The following S100A1 variants were observed in gnomAD, a reference collection of about 807,000 sequenced individuals.
S100A1 encodes the protein protein S100-A1.
A neutral mutation model predicts 7.6 loss-of-function variants in S100A1; 3 were observed. That is an observed-to-expected ratio of 0.40 (90% confidence interval 0.18 to 1.02). The LOEUF is 1.02. Among genes scored for constraint, S100A1 ranks in the 50% least tolerant of loss-of-function variants. S100A1 has a pLI of 0.35. For missense variants in S100A1, 126 were observed against 115.0 expected (o/e 1.10, Z -0.44); for synonymous variants, 49 against 49.0 (o/e 1.00, Z 0.00).
At chr1:153,628,659 G>A in intron 1 of S100A1, 163 bp downstream of exon 1, 1 of 1,224,282 alleles carries the variant, frequency 8.2e-7, no homozygotes. Flanking sequence ...GGGAGACAGG[G>A]TTTGGAAGGT....
intron 2 of S100A1, 59 bp from the exon 3 acceptor site, chr1:153,631,639 T>G: frequency 1.2e-6 from 2 of 1,613,518 alleles, no homozygotes; most frequent in Non-Finnish European, 1.7e-6. Flanking sequence ...CCCCCTTGCC[T>G]CTGACTCAGT....
At chr1:153,630,721 A>C in intron 2 of S100A1, 59 bp downstream of exon 2, 1 of 1,575,576 alleles carries the variant, frequency 6.3e-7, no homozygotes, top group Non-Finnish European at 8.7e-7. Flanking sequence ...AATGGGGTGG[A>C]CACCCCCTTG....
intron 1 of S100A1, 58 bp from the exon 2 acceptor site, chr1:153,630,451 T>A: frequency 6.3e-7 from 1 of 1,589,088 alleles, no homozygotes; most frequent in Non-Finnish European, 8.6e-7. Flanking sequence ...TCCCCTCACC[T>A]AGACCCCAGG....
chr1:153,631,720 T>G lies in S100A1; in HGVS notation c.164T>G (p.Val55Gly). 5 of 1,614,186 alleles carry G rather than the reference T, an allele frequency of 3.1e-6. No individual in the cohort carries two copies. Among genetic ancestry groups the G allele is most frequent in the Non-Finnish European group, 4.2e-6 (5 of 1,180,030 alleles). ...CAGGCCCAGAAGGATGTGGATGCTG[T>G]GGACAAGGTGATGAAGGAGCTAGAC... ...FLDAQKDVDA[V>G]DKVMKELDEN... Residue 55 changes from valine (V) to glycine (G), a missense_variant, in exon 3 of 3, where the codon GTG becomes GGG. Coordinates refer to ENST00000292169, the MANE Select transcript of S100A1 (RefSeq NM_006271.2).
chr1:153,631,883 C>T lies in S100A1; in HGVS notation c.*42C>T, dbSNP rs753654639. On this transcript the variant is annotated 3_prime_UTR_variant, in exon 3 of 3. Coordinates refer to ENST00000292169, the MANE Select transcript of S100A1 (RefSeq NM_006271.2). Reference sequence around the variant, plus strand: ...GGCAGCGCCCTTCCTCTCCACCCTCCCAGACCTGCCTCTTCCCCCTGCTTC... The same window carrying T: ...GGCAGCGCCCTTCCTCTCCACCCTCTCAGACCTGCCTCTTCCCCCTGCTTC... The T allele has an allele frequency of 1.6e-5, 26 of 1,599,804 alleles. No homozygotes were observed. Among genetic ancestry groups the T allele is most frequent in the Non-Finnish European group, 2.2e-5 (26 of 1,173,346 alleles).
chr1:153,631,616 T>C, intron 2 of S100A1, 82 bp from the exon 3 acceptor site: 2 of 1,613,758 alleles, frequency 1.2e-6, no homozygotes, highest in Non-Finnish European at 1.7e-6. Flanking sequence ...CTTTGCCTCC[T>C]GCTCCTCAAC....
chr1:153,631,793 G>A lies in S100A1; in HGVS notation c.237G>A (p.Val79=). The A allele has an allele frequency of 6.2e-7, 1 of 1,614,170 alleles. No homozygotes were observed. The highest frequency in any genetic ancestry group is 1.6e-4 in the Middle Eastern group (1 of 6,062). Residue 79 remains valine (V), a synonymous_variant, in exon 3 of 3, where the codon GTG becomes GTA. Coordinates refer to ENST00000292169, the MANE Select transcript of S100A1 (RefSeq NM_006271.2). The part of the protein sequence containing the change: ...EVDFQEYVVL[V]AALTVACNNF... The stretch of plus-strand genomic sequence containing the variant: ...ACTTCCAGGAGTATGTGGTGCTTGT[G>A]GCTGCTCTCACAGTGGCCTGTAACA...
At chr1:153,630,741 C>G in intron 2 of S100A1, 79 bp downstream of exon 2, 2 of 1,542,590 alleles carry the variant, frequency 1.3e-6, no homozygotes, top group African/African-American at 1.4e-5. Flanking sequence ...GCTATCTCCC[C>G]ACCCCACCTC....
chr1:153,630,772 C>A lies in S100A1; in HGVS notation c.141+110C>A. On this transcript the variant is annotated intron_variant, in intron 2 of 2. Transcript: ENST00000292169. ...ACCTCCAGCTCAGCCTAGCCTCTTT[C>A]TTTCCTTTCCCAGGCTTCTCTCCTG... 5.0e-6 allele frequency: 7 copies of A among 1,405,252 alleles called. No individual in the cohort carries two copies. The South Asian group carries it at 8.6e-5, about 17-fold the overall frequency. The allele number at this position is 1,405,252 out of a possible 1,614,324, so 87.0% of individuals were successfully genotyped here.
rs1459833501 is a variant in S100A1 at position 153,628,447 on chromosome 1, A to G, written c.-63A>G. ...CACAGCTCCAGCAGCCACATTTGCAACCTTGGCCATCTGTCCAGAACCTGC... is the reference window on the plus strand; with the variant it reads ...CACAGCTCCAGCAGCCACATTTGCAGCCTTGGCCATCTGTCCAGAACCTGC... On this transcript the variant is annotated 5_prime_UTR_variant, in exon 1 of 3. Transcript: ENST00000292169. 2.5e-5 allele frequency: 39 copies of G among 1,550,554 alleles called. No individual in the cohort carries two copies. The highest frequency in any genetic ancestry group is 3.1e-5 in the Non-Finnish European group (36 of 1,146,984).
At position 153,628,529 on chromosome 1, in the gene S100A1, G is replaced by C. The variant is rs564933764; in HGVS notation, c.-14+33G>C. 9.6e-4 allele frequency: 1,482 copies of C among 1,549,928 alleles called. 15 individuals are homozygous for C. The highest frequency in any genetic ancestry group is 5.8e-3 in the South Asian group (487 of 83,974). The stretch of plus-strand genomic sequence containing the variant: ...CCCTGCCCCACTGGGCTAGTCCCTG[G>C]CCTGCCAGCTTCAGGGAGAGGGGTC... On this transcript the variant is annotated intron_variant, in intron 1 of 2. Coordinates refer to ENST00000292169, the MANE Select transcript of S100A1 (RefSeq NM_006271.2).
intron 1 of S100A1, 52 bp from the exon 2 acceptor site, chr1:153,630,457 C>T: frequency 6.3e-7 from 1 of 1,595,938 alleles, no homozygotes; most frequent in South Asian, 1.1e-5. Context: ...CACCTAGACC[C>T]CAGGTACTCC....
intron 1 of S100A1, chr1:153,628,737 T>C (rs1026639304): frequency 3.0e-6 from 2 of 657,962 alleles, no homozygotes; most frequent in African/African-American, 1.8e-5. Flanking sequence ...AGGAAGCCAG[T>C]GGGGAACCCA....
Position 153,631,684 on chromosome 1 carries a change from T to G in S100A1, c.142-14T>G. 1 of 1,613,944 alleles carries G rather than the reference T, an allele frequency of 6.2e-7. No homozygotes were observed. The highest frequency in any genetic ancestry group is 1.1e-5 in the South Asian group (1 of 91,070). ...TTCCCTATACACCTCCCTCTTCCTC[T>G]CCTCCCACCACAGGCCCAGAAGGAT... On this transcript the variant is annotated splice_polypyrimidine_tract_variant and intron_variant, in intron 2 of 2. Transcript: ENST00000292169.
In S100A1 at chr1:153,631,832, G is replaced by A. The variant is rs1321074328; in HGVS notation, c.276G>A (p.Glu92=). Residue 92 remains glutamate (E), a synonymous_variant, in exon 3 of 3, where the codon GAG becomes GAA. Coordinates refer to ENST00000292169, the MANE Select transcript of S100A1 (RefSeq NM_006271.2). ...TGGCCTGTAACAATTTCTTCTGGGA[G>A]AACAGTTGAGCAGACAGCCACATTG... The part of the protein sequence containing the change: ...LTVACNNFFW[E]NS 1.9e-6 allele frequency: 3 copies of A among 1,613,786 alleles called. No homozygotes were observed. In the African/African-American group the frequency reaches 4.0e-5, roughly 22 times the overall value.
rs1163381050 is a variant in S100A1, at chr1:153,630,592, G to A, written c.71G>A (p.Gly24Glu). The A allele has an allele frequency of 6.2e-7, 1 of 1,614,258 alleles. No homozygotes were observed. The highest frequency in any genetic ancestry group is 8.5e-7 in the Non-Finnish European group (1 of 1,180,040). Residue 24 changes from glycine to glutamate, a missense_variant, in exon 2 of 3, where the codon GGG becomes GAG. Transcript: ENST00000292169. ...NVFHAHSGKE[G>E]DKYKLSKKEL... ...TTCCACGCCCACTCGGGCAAAGAGG[G>A]GGACAAGTACAAGCTGAGCAAGAAG...
chr1:153,631,156 C>G (rs1667990235), intron 2 of S100A1: 1 of 350,934 alleles, frequency 2.8e-6, no homozygotes, highest in African/African-American at 2.1e-5. Context: ...TGGAGCATGT[C>G]AGTAGTTTCA....
chr1:153,630,479 T>A, intron 1 of S100A1, 30 bp from the exon 2 acceptor site: 1 of 1,610,220 alleles, frequency 6.2e-7, no homozygotes, highest in Non-Finnish European at 8.5e-7. Context: ...GGCCTGGTCC[T>A]CAGCTCACTT....
At chr1:153,631,323 T>G (rs1345743583) in intron 2 of S100A1, 1 of 818,578 alleles carries the variant, frequency 1.2e-6, no homozygotes, top group African/African-American at 1.7e-5. Flanking sequence ...CTGTGGGACT[T>G]TGGGCATATT....
Sources: gnomAD v4.1 joint callset for allele counts on GRCh38, gnomAD v4.1.1 for gene constraint, MANE v1.5 for transcripts, NCBI Gene and HGNC (gene_info 2026-07-23, HGNC 2026-07-21) for gene names.